The following CDC123 variants were observed in gnomAD, a reference collection of about 807,000 sequenced individuals.
The protein encoded by CDC123 is cell division cycle 123, also known as translation initiation factor eIF2 assembly protein.
Under a neutral mutation model 54.4 loss-of-function variants are expected in CDC123, and 37 were observed. That is an observed-to-expected ratio of 0.68 (90% CI 0.52 to 0.89). The LOEUF (loss-of-function observed/expected upper bound fraction) is 0.89, where lower values mean the gene tolerates loss of function less well. Ranked by LOEUF, CDC123 falls within the 40% of genes least tolerant of loss-of-function variation. The pLI, the probability that CDC123 is intolerant of heterozygous loss-of-function variation, is 0.00. For synonymous variants in CDC123, 144 were observed against 136.8 expected (o/e 1.05, Z -0.37); for missense variants, 361 against 412.1 (o/e 0.88, Z 1.07).
chr10:12,240,796 G>C (rs1469172772), intron 10 of CDC123, among the ~76,000 whole-genome samples: 1 of 152,162 alleles, frequency 6.6e-6, no homozygotes, highest in East Asian at 1.9e-4. Flanking sequence ...CTTGAGACTG[G>C]GAGGTTGAGG....
At chr10:12,229,754 G>A (rs973284786) in intron 6 of CDC123, among the ~76,000 whole-genome samples, 1 of 152,214 alleles carries the variant, frequency 6.6e-6, no homozygotes, top group East Asian at 1.9e-4. Context: ...TTTAATAAGC[G>A]ATATGAAACA....
intron 7 of CDC123, among the ~76,000 whole-genome samples, chr10:12,232,206 C>G (rs975219769): frequency 1.3e-5 from 2 of 152,096 alleles, no homozygotes; most frequent in Non-Finnish European, 2.9e-5. Context: ...TCCACTTGCA[C>G]TGTCAAAATG....
chr10:12,246,270 A>G lies in CDC123; in HGVS notation c.839A>G (p.Gln280Arg), dbSNP rs1836135910. Residue 280 changes from glutamine (Q) to arginine (R), a missense_variant, in exon 11 of 13, where the codon CAA becomes CGA. Physicochemically the swap from Gln to Arg is conservative, Grantham distance 43. Transcript: ENST00000281141. ...LNGDFSEVDAQEQDSPAFRCT... is the reference protein window; with the variant it reads ...LNGDFSEVDAREQDSPAFRCT... ...GGCGATTTTAGTGAAGTTGACGCTC[A>G]AGAGCAGGTACAACATTTTTAAGAC... The G allele has an allele frequency of 1.2e-6, 2 of 1,614,056 alleles. No homozygotes were observed. The highest frequency in any genetic ancestry group is 2.2e-5 in the East Asian group (1 of 44,900).
At chr10:12,216,727 G>A (rs1835669690) in intron 5 of CDC123, among the ~76,000 whole-genome samples, 1 of 152,184 alleles carries the variant, frequency 6.6e-6, no homozygotes, top group Non-Finnish European at 1.5e-5. Flanking sequence ...TGATCTGTCT[G>A]TGGGAGAGTT....
In CDC123 at chr10:12,215,820, T is replaced by C. The variant is rs148850878; in HGVS notation, c.318T>C (p.Asn106=). 388 of 1,609,966 alleles carry C rather than the reference T, an allele frequency of 2.4e-4. 1 individual carries two copies. In the African/African-American group the frequency reaches 4.5e-3, roughly 19 times the overall value. The change falls in exon 5 of 13, where the codon AAT becomes AAC. Residue 106 remains asparagine, a synonymous_variant. Transcript: ENST00000281141. ...GGGGCAGTGTCTTTCCTAAGCTTAA[T>C]TGGAGTGCCCCAAGGGTAGGAACAC... ...SLGGSVFPKL[N]WSAPRDAYWI...
rs545807067 is a variant in CDC123 at position 12,227,569 on chromosome 10, A to G, written c.441-3379A>G. ...CTGGAGTGCAGTGTCACGATCTCAG[A>G]TCACTGCAACCTTCAACTCCTGGGT... is the stretch of plus-strand genomic sequence containing the variant. On this transcript the variant is annotated intron_variant, in intron 6 of 12. Coordinates refer to ENST00000281141, the MANE Select transcript of CDC123 (RefSeq NM_006023.3). Among the ~76,000 whole-genome samples, 35 of 151,754 alleles carry G rather than the reference A, an allele frequency of 2.3e-4. No homozygotes were observed. In the South Asian group the frequency reaches 6.9e-3, roughly 30 times the overall value.
chr10:12,231,695 A>C (rs1835904251), intron 7 of CDC123, among the ~76,000 whole-genome samples: 2 of 151,668 alleles, frequency 1.3e-5, no homozygotes, highest in Non-Finnish European at 1.5e-5. Context: ...TGATGAGTTT[A>C]AACATAGTAA....
At chr10:12,214,728 G>C (rs1028160653) in intron 4 of CDC123, among the ~76,000 whole-genome samples, 3 of 151,874 alleles carry the variant, frequency 2.0e-5, no homozygotes, top group Non-Finnish European at 2.9e-5. Flanking sequence ...TTAGATCTTG[G>C]GGATCCACAT....
At chr10:12,236,427 C>T (rs746314885) in intron 8 of CDC123, among the ~76,000 whole-genome samples, 52 of 152,036 alleles carry the variant, frequency 3.4e-4, no homozygotes, top group Middle Eastern at 3.4e-3. Context: ...ACTGAGACCC[C>T]GTCTCTACAA....
intron 10 of CDC123, 120 bp from the exon 11 acceptor site, chr10:12,246,029 C>T: frequency 2.8e-6 from 3 of 1,054,048 alleles, no homozygotes; most frequent in Admixed American, 2.1e-5. Flanking sequence ...GTGATCACAC[C>T]AGTGCACTGC....
At chr10:12,196,441 A>T in intron 1 of CDC123, 122 bp downstream of exon 1, 2 of 1,282,862 alleles carry the variant, frequency 1.6e-6, no homozygotes, top group Non-Finnish European at 2.2e-6. Flanking sequence ...GAGTGTGTCG[A>T]GAGGGAAGTA....
chr10:12,244,620 T>G (rs989197306), intron 10 of CDC123: 6 of 146,076 alleles, frequency 4.1e-5, no homozygotes, highest in Admixed American at 2.8e-4. Flanking sequence ...CTTTCAGAGG[T>G]TGGGGTGGTT....
At chr10:12,232,731 G>A (rs917451515) in intron 7 of CDC123, among the ~76,000 whole-genome samples, 3 of 151,890 alleles carry the variant, frequency 2.0e-5, no homozygotes, top group Non-Finnish European at 4.4e-5. Context: ...TGTCTATTAA[G>A]TACCTGGCTG....
At position 12,196,300 on chromosome 10, in the gene CDC123, CG is replaced by C. The variant is rs752327673; in HGVS notation, c.56del (p.Arg19GlnfsTer16). On this transcript the variant is annotated frameshift_variant, in exon 1 of 13. Transcript: ENST00000281141. LOFTEE classifies it high-confidence loss of function. ...CQFSAWYPFF[R>X]GVTIKSVILP... is the part of the protein sequence containing the mutation. ...GTTCTCCGCGTGGTACCCGTTCTTC[CG>C]AGGCGTTACCATCAAGAGGTGAGAT... is the stretch of plus-strand genomic sequence containing the variant. The C allele has an allele frequency of 2.5e-6, 4 of 1,613,540 alleles. No homozygotes were observed. The highest frequency in any genetic ancestry group is 3.4e-6 in the Non-Finnish European group (4 of 1,179,738).
chr10:12,246,343 C>T (rs373625127), intron 11 of CDC123, 66 bp downstream of exon 11: 3 of 1,575,914 alleles, frequency 1.9e-6, no homozygotes, highest in African/African-American at 1.3e-5. Flanking sequence ...GCTTGTTCTT[C>T]AGACGCATAG....
At chr10:12,202,907 C>T (rs1270404573) in intron 2 of CDC123, among the ~76,000 whole-genome samples, 1 of 152,162 alleles carries the variant, frequency 6.6e-6, no homozygotes, top group Non-Finnish European at 1.5e-5. Flanking sequence ...CCCAGCTACT[C>T]AGGAAGCTTA....
chr10:12,209,839 C>T (rs2131736234), intron 2 of CDC123, 128 bp from the exon 3 acceptor site: 1 of 812,706 alleles, frequency 1.2e-6, no homozygotes, highest in Non-Finnish European at 2.1e-6. Context: ...GCTAGGATTA[C>T]AGGTGTGAGC....
intron 6 of CDC123, 27 bp from the exon 7 acceptor site, chr10:12,230,921 C>A: frequency 2.5e-6 from 4 of 1,607,448 alleles, no homozygotes; most frequent in South Asian, 1.1e-5. Flanking sequence ...CAAAAAGATT[C>A]AGTTGCCTTT....
At chr10:12,246,387 C>A in intron 11 of CDC123, 110 bp downstream of exon 11, 1 of 1,239,958 alleles carries the variant, frequency 8.1e-7, no homozygotes, top group East Asian at 2.4e-5. Flanking sequence ...TTGGGAAGCG[C>A]AGAGTGTAAC....
Sources: gnomAD v4.1 joint callset for allele counts (sites outside exome capture counted in the v4.1 genomes callset) on GRCh38, gnomAD v4.1.1 for gene constraint, MANE v1.5 for transcripts, NCBI Gene and HGNC (gene_info 2026-07-23, HGNC 2026-07-21) for gene names.